Variants in MAP2 observed in about 807,000 individuals in gnomAD.
The protein encoded by MAP2 is microtubule associated protein 2.
Under a neutral mutation model 137.6 loss-of-function variants are expected in MAP2, and 14 were observed. That is an observed-to-expected ratio of 0.10 (90% CI 0.07 to 0.16). The LOEUF (loss-of-function observed/expected upper bound fraction) is 0.16, where lower values mean the gene tolerates loss of function less well. Ranked by LOEUF, MAP2 falls within the 10% of genes least tolerant of loss-of-function variation. The probability of loss-of-function intolerance (pLI) is 1.00; values close to 1 mark genes in which losing one functional copy is unlikely to be tolerated. For missense variants in MAP2, 2,088 were observed against 2,191.5 expected (o/e 0.95, Z 0.94); for synonymous variants, 786 against 782.3 (o/e 1.00, Z -0.08).
chr2:209,695,982 A>G lies in MAP2; in HGVS notation c.3812A>G (p.Glu1271Gly). The G allele has an allele frequency of 6.2e-7, 1 of 1,614,148 alleles. No individual in the cohort carries two copies. Among genetic ancestry groups the G allele is most frequent in the Non-Finnish European group, 8.5e-7 (1 of 1,180,010 alleles). The change falls in exon 8 of 16, where the codon GAG becomes GGG. Residue 1271 changes from glutamate to glycine, a missense_variant. Glu to Gly is a moderately conservative substitution (Grantham distance 98, BLOSUM62 -2). Coordinates refer to ENST00000682079, the MANE Select transcript of MAP2 (RefSeq NM_001375505.1). Reference protein sequence around the residue: ...GVSGAREEFVETCPSEHKGVI... With the variant: ...GVSGAREEFVGTCPSEHKGVI... ...TCAGGTGCCAGGGAGGAATTTGTGG[A>G]GACCTGCCCAAGTGAACACAAAGGA...
intron 1 of MAP2, among the ~76,000 whole-genome samples, chr2:209,450,154 C>G (rs111533111): frequency 0.094 from 14,339 of 152,064 alleles, 1,440 homozygotes; most frequent in African/African-American, 0.26. Flanking sequence ...GTTGCCCAGG[C>G]TGGTCTTGAA....
chr2:209,561,614 C>A (rs1012328474), intron 2 of MAP2, among the ~76,000 whole-genome samples: 1 of 152,130 alleles, frequency 6.6e-6, no homozygotes, highest in African/African-American at 2.4e-5. Context: ...TATAAGCACA[C>A]ATCAAATATT....
Position 209,693,051 on chromosome 2 carries a change from A to T in MAP2, c.881A>T (p.Glu294Val). 6.2e-7 allele frequency: 1 copy of T among 1,612,784 alleles called. No homozygotes were observed. The highest frequency in any genetic ancestry group is 8.5e-7 in the Non-Finnish European group (1 of 1,179,592). Residue 294 changes from glutamate to valine, a missense_variant, in exon 8 of 16, where the codon GAA (glutamate) becomes GTA (valine). Transcript: ENST00000682079. ...ISPGPLTPMR[E>V]KDVFDDIPKW... is the part of the protein sequence containing the mutation. Reference sequence around the variant, plus strand: ...CCTGGCCCTCTGACTCCCATGAGGGAAAAAGATGTATTTGATGATATCCCA... The same window carrying T: ...CCTGGCCCTCTGACTCCCATGAGGGTAAAAGATGTATTTGATGATATCCCA...
intron 2 of MAP2, among the ~76,000 whole-genome samples, chr2:209,518,261 C>T (rs1284507393): frequency 6.6e-6 from 1 of 152,004 alleles, no homozygotes; most frequent in Non-Finnish European, 1.5e-5. Context: ...AAAACTAATG[C>T]ATATAAATAT....
At chr2:209,533,839 G>A (rs2065520523) in intron 2 of MAP2, among the ~76,000 whole-genome samples, 1 of 152,180 alleles carries the variant, frequency 6.6e-6, no homozygotes, top group African/African-American at 2.4e-5. Context: ...GGGAGAACTA[G>A]GTTGAGACAG....
intron 1 of MAP2, among the ~76,000 whole-genome samples, chr2:209,436,307 G>A (rs1696270648): frequency 6.6e-6 from 1 of 151,486 alleles, no homozygotes; most frequent in Non-Finnish European, 1.5e-5. Flanking sequence ...CTGTGGTAGG[G>A]ATTGGCAAGC....
intron 1 of MAP2, among the ~76,000 whole-genome samples, chr2:209,431,388 C>A (rs1694237188): frequency 1.3e-5 from 2 of 152,100 alleles, no homozygotes; most frequent in Non-Finnish European, 2.9e-5. Flanking sequence ...TAAATGCATT[C>A]TTTTTGTAAT....
intron 3 of MAP2, among the ~76,000 whole-genome samples, chr2:209,600,957 C>CA (rs2082809641): frequency 6.6e-6 from 1 of 152,166 alleles, no homozygotes; most frequent in African/African-American, 2.4e-5. Context: ...AAGCAAGACA[C>CA]ACTGTTGAGA....
chr2:209,513,279 G>A (rs976061890), intron 2 of MAP2, among the ~76,000 whole-genome samples: 39 of 152,010 alleles, frequency 2.6e-4, no homozygotes, highest in African/African-American at 8.9e-4. Context: ...GCTTCATGTT[G>A]CTTCACACAT....
chr2:209,540,127 A>G (rs964387826), intron 2 of MAP2, among the ~76,000 whole-genome samples: 18 of 145,318 alleles, frequency 1.2e-4, no homozygotes, highest in Non-Finnish European at 2.3e-4. Context: ...AAAAAAAGCC[A>G]CAAAGTTTAC....
chr2:209,625,222 C>A (rs752565672), intron 4 of MAP2, 93 bp downstream of exon 4: 1 of 151,966 alleles, frequency 6.6e-6, no homozygotes, highest in Non-Finnish European at 1.5e-5. Flanking sequence ...AAATAAGTAA[C>A]AATTCATTTT....
chr2:209,476,397 G>GTTTTTTTT (rs5838170), intron 1 of MAP2, among the ~76,000 whole-genome samples: 1 of 143,688 alleles, frequency 7.0e-6, no homozygotes. Flanking sequence ...GTTTTTCTTA[G>GTTTTTTTT]TTTTTTTTTT....
intron 12 of MAP2, among the ~76,000 whole-genome samples, chr2:209,706,746 C>G (rs1168500620): frequency 6.6e-6 from 1 of 152,114 alleles, no homozygotes; most frequent in Admixed American, 6.6e-5. Flanking sequence ...ATTGCTACCA[C>G]TATCACATTA....
At chr2:209,593,854 T>A (rs2080367080) in intron 3 of MAP2, among the ~76,000 whole-genome samples, 1 of 103,374 alleles carries the variant, frequency 9.7e-6, no homozygotes, top group South Asian at 2.7e-4. Flanking sequence ...ATATATATTA[T>A]AAAATATATA....
intron 2 of MAP2, among the ~76,000 whole-genome samples, chr2:209,565,492 T>A (rs2073192160): frequency 6.6e-6 from 1 of 152,174 alleles, no homozygotes; most frequent in South Asian, 2.1e-4. Context: ...AGTGCTGGGA[T>A]AATAGGCATT....
chr2:209,722,262 G>A (rs1032910436), intron 13 of MAP2, among the ~76,000 whole-genome samples: 6 of 152,180 alleles, frequency 3.9e-5, no homozygotes, highest in African/African-American at 9.7e-5. Context: ...CTCCCCGTGG[G>A]TTGCTGATGA....
chr2:209,614,892 C>A (rs1221923148), intron 3 of MAP2, among the ~76,000 whole-genome samples: 1 of 152,164 alleles, frequency 6.6e-6, no homozygotes, highest in African/African-American at 2.4e-5. Context: ...GTAAACTCTT[C>A]CGCAAGACTC....
intron 13 of MAP2, 115 bp downstream of exon 13, chr2:209,710,369 C>T: frequency 3.4e-6 from 3 of 894,114 alleles, no homozygotes; most frequent in Non-Finnish European, 5.0e-6. Flanking sequence ...AGCTTGGTTA[C>T]AATTTATTGC....
At chr2:209,509,437 C>G (rs2061467395) in intron 2 of MAP2, among the ~76,000 whole-genome samples, 1 of 151,954 alleles carries the variant, frequency 6.6e-6, no homozygotes, top group Non-Finnish European at 1.5e-5. Flanking sequence ...TTAAGCCTCT[C>G]TTATTACCAG....
Sources: allele counts gnomAD v4.1 joint callset (sites outside exome capture counted in the v4.1 genomes callset), GRCh38; gene constraint gnomAD v4.1.1; transcripts MANE v1.5; gene names NCBI Gene and HGNC (gene_info 2026-07-23, HGNC 2026-07-21).